PTPRN2: variants seen among roughly 807,000 people sequenced by gnomAD.
The protein encoded by PTPRN2 is protein tyrosine phosphatase receptor type N2.
In PTPRN2, 74 loss-of-function variants were observed where a neutral mutation model predicts 118.8. The observed-to-expected ratio is 0.62, with a 90% confidence interval of 0.52 to 0.76. The LOEUF (loss-of-function observed/expected upper bound fraction) is 0.76. Among genes scored for constraint, PTPRN2 ranks in the 30% least tolerant of loss-of-function variants. PTPRN2 has a pLI of 0.00. For missense variants in PTPRN2, 1,481 were observed against 1,394.4 expected, an observed-to-expected ratio of 1.06 and a Z score of -0.99; for synonymous variants, 641 against 608.0, an observed-to-expected ratio of 1.05 and a Z score of -0.80.
chr7:158,136,602 G>A (rs3800857), intron 8 of PTPRN2, 53 bp downstream of exon 8: 548,573 of 1,567,016 alleles, frequency 0.35, 102,110 homozygotes, highest in Non-Finnish European at 0.39. Flanking sequence ...TGAACAAAAA[G>A]ATCACCAACT....
At chr7:158,217,993 A>G (rs555607884) in intron 3 of PTPRN2, among the ~76,000 whole-genome samples, 1 of 152,284 alleles carries the variant, frequency 6.6e-6, no homozygotes, top group South Asian at 2.1e-4. Context: ...AGAGAAGGAG[A>G]GAGAGTAAGC....
chr7:157,859,795 T>C (rs1292198412), intron 12 of PTPRN2, among the ~76,000 whole-genome samples: 15 of 55,384 alleles, frequency 2.7e-4, no homozygotes, highest in Admixed American at 8.0e-4. Context: ...CCACCCACAC[T>C]CCTGCAGGGA....
intron 22 of PTPRN2, among the ~76,000 whole-genome samples, chr7:157,542,704 A>G (rs1489092577): frequency 6.6e-6 from 1 of 152,180 alleles, no homozygotes. Flanking sequence ...CCACAGAGAC[A>G]GGTGCTCTAC....
chr7:157,597,115 AGAGGGGC>A (rs1801389047), intron 16 of PTPRN2, among the ~76,000 whole-genome samples: 1 of 152,232 alleles, frequency 6.6e-6, no homozygotes, highest in Non-Finnish European at 1.5e-5. Flanking sequence ...TCACCATAAA[AGAGGGGC>A]GAGCATAAAG....
chr7:158,129,334 C>T (rs968840626), intron 9 of PTPRN2, among the ~76,000 whole-genome samples: 27 of 150,914 alleles, frequency 1.8e-4, no homozygotes, highest in African/African-American at 4.6e-4. Context: ...CTGTACACCA[C>T]GCACTACACA....
At chr7:157,972,972 T>C (rs567455057) in intron 11 of PTPRN2, among the ~76,000 whole-genome samples, 4 of 150,504 alleles carry the variant, frequency 2.7e-5, no homozygotes, top group South Asian at 4.2e-4. Context: ...TCAGAGACCG[T>C]AGGAATTCAC....
chr7:158,463,304 CA>C, intron 2 of PTPRN2, among the ~76,000 whole-genome samples: 1 of 152,254 alleles, frequency 6.6e-6, no homozygotes, highest in Non-Finnish European at 1.5e-5. Context: ...CCATTGTCAC[CA>C]TCATCATCAT....
chr7:158,312,688 C>T (rs1256227456), intron 3 of PTPRN2, among the ~76,000 whole-genome samples: 1 of 148,286 alleles, frequency 6.7e-6, no homozygotes, highest in Non-Finnish European at 1.5e-5. Context: ...CATGCATGCA[C>T]ACCTGCACAC....
chr7:158,407,173 GTCCT>G lies in PTPRN2; in HGVS notation c.163+82558_163+82561del, dbSNP rs1813554843. The stretch of plus-strand genomic sequence containing the variant: ...CTGGGTCCTGGGTCCTGGGTCCTGC[GTCCT>G]GCGTCCTGGGTCCTGGGTCCTGGGT... On this transcript the variant is annotated intron_variant, in intron 2 of 22. Transcript: ENST00000389418. Among the ~76,000 whole-genome samples the G allele has an allele frequency of 2.2e-4, 19 of 88,118 alleles. 1 individual carries two copies. The highest frequency in any genetic ancestry group is 6.6e-4 in the East Asian group (1 of 1,512). 57.8% of individuals were successfully genotyped at this position (88,118 alleles called of 152,430 possible).
chr7:157,835,765 A>G (rs1314464331), intron 12 of PTPRN2, among the ~76,000 whole-genome samples: 1 of 152,266 alleles, frequency 6.6e-6, no homozygotes, highest in African/African-American at 2.4e-5. Flanking sequence ...CTTCACACAC[A>G]TTACAACCAC....
chr7:158,275,280 G>A (rs370069342), intron 3 of PTPRN2, among the ~76,000 whole-genome samples: 38 of 152,234 alleles, frequency 2.5e-4, no homozygotes, highest in Admixed American at 9.1e-4. Flanking sequence ...TCCTCGGAGG[G>A]CCTCTGAACA....
intron 10 of PTPRN2, among the ~76,000 whole-genome samples, chr7:158,085,550 C>T (rs376243686): frequency 0.01 from 1,353 of 133,358 alleles, 25 homozygotes; most frequent in African/African-American, 0.038. Flanking sequence ...TGACGCCCAT[C>T]CACACCCACC....
intron 15 of PTPRN2, chr7:157,614,171 G>A: frequency 2.2e-6 from 1 of 462,312 alleles, no homozygotes; most frequent in Non-Finnish European, 4.5e-6. Flanking sequence ...ACAGGGGAGG[G>A]CCAGGGTGGA....
At chr7:158,552,682 A>C (rs1826740919) in intron 1 of PTPRN2, among the ~76,000 whole-genome samples, 1 of 152,186 alleles carries the variant, frequency 6.6e-6, no homozygotes, top group Non-Finnish European at 1.5e-5. Context: ...CCTGACCTCA[A>C]GCAATCTGCC....
At chr7:158,241,151 G>A (rs1401807563) in intron 3 of PTPRN2, among the ~76,000 whole-genome samples, 5 of 152,228 alleles carry the variant, frequency 3.3e-5, no homozygotes, top group Admixed American at 3.3e-4. Context: ...GTTACCAGGT[G>A]ACTCTTCCCT....
At chr7:158,388,705 C>G (rs568333525) in intron 2 of PTPRN2, among the ~76,000 whole-genome samples, 1 of 152,242 alleles carries the variant, frequency 6.6e-6, no homozygotes, top group African/African-American at 2.4e-5. Context: ...GTTGGGGGGG[C>G]CTGAAAGGCC....
intron 12 of PTPRN2, among the ~76,000 whole-genome samples, chr7:157,725,080 T>TA (rs34189684): frequency 2.6e-5 from 4 of 152,318 alleles, no homozygotes; most frequent in Admixed American, 6.5e-5. Flanking sequence ...AACTGACTTT[T>TA]AAAAAACCTG....
At chr7:157,848,231 G>T (rs949968892) in intron 12 of PTPRN2, among the ~76,000 whole-genome samples, 6 of 145,850 alleles carry the variant, frequency 4.1e-5, no homozygotes, top group African/African-American at 1.5e-4. Flanking sequence ...GTTTACAGAT[G>T]TTTATAGAGC....
At chr7:158,316,794 G>T in intron 3 of PTPRN2, 25 bp downstream of exon 3, 1 of 1,560,100 alleles carries the variant, frequency 6.4e-7, no homozygotes, top group Non-Finnish European at 8.6e-7. Flanking sequence ...GGCAGCCGCC[G>T]AGCCTCGGCC....
Sources: allele counts gnomAD v4.1 joint callset (sites outside exome capture counted in the v4.1 genomes callset), GRCh38; gene constraint gnomAD v4.1.1; transcripts MANE v1.5; gene names NCBI Gene and HGNC (gene_info 2026-07-23, HGNC 2026-07-21).